The following ERBB4 variants were observed in gnomAD, a reference collection of about 807,000 sequenced individuals.
ERBB4 encodes erb-b2 receptor tyrosine kinase 4.
Under a neutral mutation model 158.0 loss-of-function variants are expected in ERBB4, and 42 were observed. That is an observed-to-expected ratio of 0.27 (90% CI 0.21 to 0.34). The LOEUF is 0.34. Among genes scored for constraint, ERBB4 ranks in the 10% least tolerant of loss-of-function variants. The probability of loss-of-function intolerance (pLI) is 1.00; values close to 1 mark genes in which losing one functional copy is unlikely to be tolerated. For missense variants in ERBB4, 1,333 were observed against 1,624.1 expected (o/e 0.82, Z 3.08); for synonymous variants, 583 against 558.7 (o/e 1.04, Z -0.61).
At chr2:211,992,922 T>C (rs2082114325) in intron 2 of ERBB4, among the ~76,000 whole-genome samples, 1 of 152,168 alleles carries the variant, frequency 6.6e-6, no homozygotes, top group South Asian at 2.1e-4. Context: ...ATATATTACC[T>C]AAAACCCAGT....
Position 212,341,136 on chromosome 2 carries a change from C to T in ERBB4, c.82+197313G>A, listed in dbSNP as rs564559235. 2.0e-5 allele frequency among the ~76,000 whole-genome samples: 3 copies of T among 151,780 alleles called. No homozygotes were observed. The South Asian group carries it at 6.2e-4, about 32-fold the overall frequency. ...CTGAAAATAAATACGAAACAGAATT[C>T]TTTGTGGGAATTATAAATAAAATAA... is the stretch of plus-strand genomic sequence containing the variant. On this transcript the variant is annotated intron_variant, in intron 1 of 27. Transcript: ENST00000342788.
chr2:212,061,737 C>CTTTTT (rs71054164), intron 2 of ERBB4, among the ~76,000 whole-genome samples: 4 of 134,064 alleles, frequency 3.0e-5, no homozygotes, highest in Admixed American at 7.6e-5. Flanking sequence ...TTTTTCTTTT[C>CTTTTT]TTTTTTTTTT....
At chr2:212,377,077 A>C (rs2090347354) in intron 1 of ERBB4, among the ~76,000 whole-genome samples, 1 of 151,704 alleles carries the variant, frequency 6.6e-6, no homozygotes, top group South Asian at 2.1e-4. Context: ...TTTTGTTGAC[A>C]TTGCCTTTGG....
At chr2:212,535,986 G>A (rs1169949162) in intron 1 of ERBB4, among the ~76,000 whole-genome samples, 1 of 152,150 alleles carries the variant, frequency 6.6e-6, no homozygotes, top group Non-Finnish European at 1.5e-5. Context: ...GTCTAATAAT[G>A]CGAGAAGCAG....
At chr2:211,574,782 GATT>G in intron 19 of ERBB4, among the ~76,000 whole-genome samples, 1 of 152,232 alleles carries the variant, frequency 6.6e-6, no homozygotes, top group East Asian at 1.9e-4. Context: ...TTTCTAAAGA[GATT>G]ATTAGACCTG....
At chr2:211,966,527 A>C (rs950794090) in intron 2 of ERBB4, among the ~76,000 whole-genome samples, 19 of 152,166 alleles carry the variant, frequency 1.2e-4, no homozygotes, top group Non-Finnish European at 2.4e-4. Context: ...AGCGTGAGCC[A>C]CTGCACCCGG....
chr2:211,521,828 A>G (rs935838548), intron 20 of ERBB4, among the ~76,000 whole-genome samples: 1 of 152,148 alleles, frequency 6.6e-6, no homozygotes, highest in Non-Finnish European at 1.5e-5. Flanking sequence ...TCTATAAACG[A>G]AACAACAAGG....
intron 2 of ERBB4, among the ~76,000 whole-genome samples, chr2:211,971,741 A>G (rs2081459131): frequency 2.0e-5 from 3 of 152,184 alleles, no homozygotes; most frequent in African/African-American, 4.8e-5. Flanking sequence ...AAGGTTGGTT[A>G]AATATATGCA....
At chr2:212,300,502 C>A (rs12466540) in intron 1 of ERBB4, among the ~76,000 whole-genome samples, 121,650 of 151,304 alleles carry the variant, frequency 0.8, 50,437 homozygotes, top group Non-Finnish European at 0.9. Flanking sequence ...TCTTGTGAGA[C>A]TGTCCTTAAC....
At chr2:211,601,945 T>C (rs544734752) in intron 19 of ERBB4, among the ~76,000 whole-genome samples, 1 of 152,296 alleles carries the variant, frequency 6.6e-6, no homozygotes, top group East Asian at 1.9e-4. Flanking sequence ...ACTATAAATA[T>C]ACCTTTCAAT....
At chr2:211,831,648 T>C (rs1431618190) in intron 3 of ERBB4, among the ~76,000 whole-genome samples, 1 of 152,128 alleles carries the variant, frequency 6.6e-6, no homozygotes, top group African/African-American at 2.4e-5. Flanking sequence ...ATACCTGTAA[T>C]CCCAGCACTT....
At chr2:212,489,425 T>A (rs2106193821) in intron 1 of ERBB4, among the ~76,000 whole-genome samples, 1 of 152,060 alleles carries the variant, frequency 6.6e-6, no homozygotes, top group East Asian at 1.9e-4. Flanking sequence ...TATAGTACTT[T>A]TTCTATTGCT....
At chr2:212,427,583 A>G (rs1420294575) in intron 1 of ERBB4, among the ~76,000 whole-genome samples, 1 of 152,152 alleles carries the variant, frequency 6.6e-6, no homozygotes, top group Non-Finnish European at 1.5e-5. Flanking sequence ...AAAATTCACT[A>G]TTATGAAATA....
intron 19 of ERBB4, among the ~76,000 whole-genome samples, chr2:211,597,308 T>G (rs1438667566): frequency 6.6e-6 from 1 of 152,202 alleles, no homozygotes; most frequent in Non-Finnish European, 1.5e-5. Flanking sequence ...AAATTTGTTA[T>G]AGCAAACATC....
Position 212,442,935 on chromosome 2 carries a change from A to C in ERBB4, c.82+95514T>G, listed in dbSNP as rs577812179. ...CAGCTCTCCCATTTGACCAGTGCAG[A>C]AGACAGATGGATCTTGGAGAAGGAC... On this transcript the variant is annotated intron_variant, in intron 1 of 27. Transcript: ENST00000342788. Among the ~76,000 whole-genome samples the C allele has an allele frequency of 2.0e-4, 31 of 152,350 alleles. No homozygotes were observed. In the South Asian group the frequency reaches 4.6e-3, roughly 22 times the overall value.
intron 19 of ERBB4, among the ~76,000 whole-genome samples, chr2:211,575,910 T>C (rs943413673): frequency 1.3e-5 from 2 of 152,134 alleles, no homozygotes; most frequent in African/African-American, 4.8e-5. Context: ...CATATTTTTA[T>C]CTCCTCTACT....
chr2:211,878,149 G>A (rs1333498303), intron 3 of ERBB4, among the ~76,000 whole-genome samples: 3 of 152,024 alleles, frequency 2.0e-5, no homozygotes, highest in South Asian at 2.1e-4. Flanking sequence ...ATGTATCACC[G>A]TAGAAATTAA....
intron 21 of ERBB4, among the ~76,000 whole-genome samples, chr2:211,428,850 G>A (rs767539381): frequency 2.0e-5 from 3 of 151,744 alleles, no homozygotes; most frequent in Admixed American, 6.6e-5. Context: ...CTGAGTAGCC[G>A]GGACCACAGG....
At chr2:212,413,006 C>T (rs185551561) in intron 1 of ERBB4, among the ~76,000 whole-genome samples, 77 of 151,876 alleles carry the variant, frequency 5.1e-4, no homozygotes, top group African/African-American at 1.8e-3. Context: ...CTCGTTCTGT[C>T]ACCCAGACTG....
Sources: gnomAD v4.1 joint callset for allele counts (sites outside exome capture counted in the v4.1 genomes callset) on GRCh38, gnomAD v4.1.1 for gene constraint, MANE v1.5 for transcripts, NCBI Gene and HGNC (gene_info 2026-07-23, HGNC 2026-07-21) for gene names.